PCDH15: variants seen among roughly 807,000 people sequenced by gnomAD.
The protein encoded by PCDH15 is protocadherin related 15.
Under a neutral mutation model 178.5 loss-of-function variants are expected in PCDH15, and 129 were observed. That is an observed-to-expected ratio of 0.72 (90% CI 0.63 to 0.84). PCDH15 has a LOEUF of 0.84. Among genes scored for constraint, PCDH15 ranks in the 40% least tolerant of loss-of-function variants. The pLI, the probability that PCDH15 is intolerant of heterozygous loss-of-function variation, is 0.00. For synonymous variants in PCDH15, 800 were observed against 732.0 expected (o/e 1.09, Z -1.50); for missense variants, 2,230 against 2,099.9 (o/e 1.06, Z -1.21).
chr10:54,545,496 A>G (rs1285346405), intron 2 of PCDH15, among the ~76,000 whole-genome samples: 1 of 152,130 alleles, frequency 6.6e-6, no homozygotes, highest in Admixed American at 6.5e-5. Context: ...AGGAATTAAA[A>G]TTATTTTATA....
At chr10:54,973,252 G>A (rs191251488) in intron 2 of PCDH15, among the ~76,000 whole-genome samples, 94 of 152,266 alleles carry the variant, frequency 6.2e-4, no homozygotes, top group African/African-American at 2.0e-3. Flanking sequence ...AAAAGGCTGT[G>A]TGCAGATCAA....
At chr10:54,344,536 A>T (rs1395371754) in intron 6 of PCDH15, among the ~76,000 whole-genome samples, 1 of 152,174 alleles carries the variant, frequency 6.6e-6, no homozygotes, top group Non-Finnish European at 1.5e-5. Context: ...TCTCCCTAAA[A>T]AACATGGACT....
chr10:55,478,847 T>C (rs907519670), intron 2 of PCDH15, among the ~76,000 whole-genome samples: 1 of 150,526 alleles, frequency 6.6e-6, no homozygotes, highest in African/African-American at 2.4e-5. Context: ...AATAATATTA[T>C]TAACAACCAT....
chr10:54,085,397 C>A (rs1023853082), intron 16 of PCDH15, among the ~76,000 whole-genome samples: 1 of 152,064 alleles, frequency 6.6e-6, no homozygotes, highest in African/African-American at 2.4e-5. Context: ...TGATAACAAT[C>A]CATAAATATT....
At chr10:55,458,083 T>C (rs1015937745) in intron 2 of PCDH15, among the ~76,000 whole-genome samples, 35 of 152,184 alleles carry the variant, frequency 2.3e-4, no homozygotes, top group Admixed American at 2.2e-3. Flanking sequence ...TTATAAATCT[T>C]GTAGGATTCT....
intron 1 of PCDH15, among the ~76,000 whole-genome samples, chr10:55,222,710 T>TACACACACACACACACACACAC (rs374141989): frequency 4.0e-4 from 17 of 42,158 alleles, no homozygotes; most frequent in African/African-American, 1.1e-3. Flanking sequence ...TATATCTTTA[T>TACACACACACACACACACACAC]ACACACACAC....
At chr10:54,240,701 G>A (rs928596755) in intron 8 of PCDH15, among the ~76,000 whole-genome samples, 1 of 126,014 alleles carries the variant, frequency 7.9e-6, no homozygotes, top group Non-Finnish European at 1.6e-5. Context: ...GCGCGATCCC[G>A]GCTCACTGCA....
chr10:55,014,111 T>C (rs988902607), intron 2 of PCDH15, among the ~76,000 whole-genome samples: 1 of 152,142 alleles, frequency 6.6e-6, no homozygotes, highest in Non-Finnish European at 1.5e-5. Flanking sequence ...AAAATATATT[T>C]ACATTTTTGC....
intron 18 of PCDH15, among the ~76,000 whole-genome samples, chr10:54,066,197 C>T (rs1162985751): frequency 6.6e-6 from 1 of 152,164 alleles, no homozygotes; most frequent in East Asian, 1.9e-4. Context: ...GAAGTACTGT[C>T]TCTGTTTTAA....
chr10:53,820,056 A>C (rs548518107), intron 33 of PCDH15, 109 bp downstream of exon 33: 12 of 393,806 alleles, frequency 3.0e-5, no homozygotes, highest in Non-Finnish European at 4.9e-5. Context: ...TTTTGTTACT[A>C]TTTATAGATT....
chr10:55,369,010 CAAAAAAAAAAAA>C (rs60906060), intron 2 of PCDH15, among the ~76,000 whole-genome samples: 1 of 86,182 alleles, frequency 1.2e-5, no homozygotes, highest in Non-Finnish European at 2.2e-5. Flanking sequence ...TTTTTGGGAC[CAAAAAAAAAAAA>C]AAAAAAAAAA....
intron 18 of PCDH15, among the ~76,000 whole-genome samples, chr10:54,041,126 A>G (rs1215178566): frequency 1.3e-5 from 2 of 152,142 alleles, no homozygotes; most frequent in South Asian, 2.1e-4. Flanking sequence ...GCAGATGCCA[A>G]TGCAGTGCCA....
At chr10:55,169,291 G>C (rs966817715) in intron 1 of PCDH15, among the ~76,000 whole-genome samples, 1 of 152,106 alleles carries the variant, frequency 6.6e-6, no homozygotes, top group East Asian at 1.9e-4. Context: ...TGAAAACGTC[G>C]TGTTGCACAC....
At chr10:54,783,343 C>A (rs969195995) in intron 1 of PCDH15, among the ~76,000 whole-genome samples, 2 of 151,966 alleles carry the variant, frequency 1.3e-5, no homozygotes, top group Non-Finnish European at 2.9e-5. Context: ...ATAAATACTA[C>A]TGAGGGCTTT....
At chr10:53,982,630 T>C (rs1440299446) in intron 21 of PCDH15, among the ~76,000 whole-genome samples, 1 of 124,810 alleles carries the variant, frequency 8.0e-6, no homozygotes, top group Non-Finnish European at 1.6e-5. Flanking sequence ...TGAGAACACA[T>C]GGACACAGGA....
At chr10:55,259,467 G>A (rs755275238) in intron 1 of PCDH15, among the ~76,000 whole-genome samples, 2 of 152,148 alleles carry the variant, frequency 1.3e-5, no homozygotes, top group Non-Finnish European at 2.9e-5. Context: ...TGTGTAAGAT[G>A]ATCCGAAAGG....
At chr10:53,947,730 A>G (rs2086691650) in intron 23 of PCDH15, among the ~76,000 whole-genome samples, 1 of 152,168 alleles carries the variant, frequency 6.6e-6, no homozygotes, top group Non-Finnish European at 1.5e-5. Context: ...AAAATTAATG[A>G]AGGGCCAAAA....
chr10:55,401,991 T>C (rs1838082826), intron 2 of PCDH15, among the ~76,000 whole-genome samples: 1 of 152,060 alleles, frequency 6.6e-6, no homozygotes, highest in Non-Finnish European at 1.5e-5. Context: ...AACATGTTAA[T>C]TGAATCCAAC....
intron 3 of PCDH15, among the ~76,000 whole-genome samples, chr10:54,459,641 T>C (rs1448143907): frequency 2.6e-5 from 4 of 152,180 alleles, no homozygotes; most frequent in South Asian, 4.1e-4. Flanking sequence ...AGAGACAGGA[T>C]AGAAATAAGA....
Sources: gnomAD v4.1 joint callset for allele counts (sites outside exome capture counted in the v4.1 genomes callset) on GRCh38, gnomAD v4.1.1 for gene constraint, MANE v1.5 for transcripts, NCBI Gene and HGNC (gene_info 2026-07-23, HGNC 2026-07-21) for gene names.